The following JCAD variants were observed in gnomAD, a reference collection of about 807,000 sequenced individuals.
JCAD encodes junctional cadherin 5-associated protein.
Under a neutral mutation model 98.0 loss-of-function variants are expected in JCAD, and 40 were observed. The observed-to-expected ratio is 0.41, with a 90% CI of 0.32 to 0.53. The LOEUF is 0.53. Among genes scored for constraint, JCAD ranks in the 20% least tolerant of loss-of-function variants. JCAD has a pLI of 0.31. For synonymous variants in JCAD, 691 were observed against 682.3 expected (o/e 1.01, Z -0.20); for missense variants, 1,705 against 1,738.1 (o/e 0.98, Z 0.34).
chr10:30,037,478 C>A (rs753477076), intron 2 of JCAD, among the ~76,000 whole-genome samples: 1 of 152,162 alleles, frequency 6.6e-6, no homozygotes, highest in African/African-American at 2.4e-5. Flanking sequence ...GTTGCGCTGG[C>A]AGAATGGTAA....
chr10:30,078,825 T>TCAGGA (rs1346051064), intron 1 of JCAD, among the ~76,000 whole-genome samples: 1 of 152,086 alleles, frequency 6.6e-6, no homozygotes. Context: ...CTGGCAACAT[T>TCAGGA]CAGGAGAGAA....
chr10:30,013,231 G>A lies in JCAD; in HGVS notation c.*4652C>T, dbSNP rs1009098179. ...AGGTTGAGGTGGGGATAGTGCTTGA[G>A]CCCAGGAGCTTGAGGCTGCAGTGAG... is the stretch of plus-strand genomic sequence containing the variant. On this transcript the variant is annotated 3_prime_UTR_variant, in exon 4 of 4. Transcript: ENST00000375377. 8 of 152,246 alleles carry A rather than the reference G, an allele frequency of 5.3e-5. No homozygotes were observed. Among genetic ancestry groups the A allele is most frequent in the African/African-American group, 1.9e-4 (8 of 41,414 alleles). 9.4% of individuals were successfully genotyped at this position (152,246 alleles called of 1,614,324 possible).
At chr10:30,046,945 C>A (rs1837348665) in intron 2 of JCAD, among the ~76,000 whole-genome samples, 1 of 152,044 alleles carries the variant, frequency 6.6e-6, no homozygotes, top group Non-Finnish European at 1.5e-5. Flanking sequence ...TAAAAATTAG[C>A]CAGGTGTGGT....
chr10:30,042,335 A>G (rs1589690167), intron 2 of JCAD, among the ~76,000 whole-genome samples: 1 of 151,690 alleles, frequency 6.6e-6, no homozygotes, highest in Non-Finnish European at 1.5e-5. Flanking sequence ...TCCCCATCCA[A>G]CCTACCTCTC....
intron 3 of JCAD, among the ~76,000 whole-genome samples, chr10:30,020,421 T>C (rs1214856773): frequency 6.6e-6 from 1 of 152,020 alleles, no homozygotes; most frequent in Non-Finnish European, 1.5e-5. Flanking sequence ...CCATAGACAT[T>C]CCAATTTTTC....
At chr10:30,103,499 T>C (rs1838505167) in intron 1 of JCAD, among the ~76,000 whole-genome samples, 1 of 152,322 alleles carries the variant, frequency 6.6e-6, no homozygotes, top group East Asian at 1.9e-4. Context: ...TCAAACGTTG[T>C]ATGTCAAATG....
At chr10:30,046,229 G>C (rs765652661) in intron 2 of JCAD, among the ~76,000 whole-genome samples, 28 of 152,104 alleles carry the variant, frequency 1.8e-4, no homozygotes, top group Admixed American at 6.5e-5. Flanking sequence ...GATGACAAAG[G>C]TTTCCTCCAG....
At chr10:30,049,223 ACACAAAAGC>A (rs1217356115) in intron 1 of JCAD, among the ~76,000 whole-genome samples, 5 of 152,192 alleles carry the variant, frequency 3.3e-5, no homozygotes, top group Non-Finnish European at 7.3e-5. Flanking sequence ...GGTGAGAGAC[ACACAAAAGC>A]CACAAAAGCC....
At chr10:30,103,063 C>T (rs1838498420) in intron 1 of JCAD, among the ~76,000 whole-genome samples, 1 of 152,192 alleles carries the variant, frequency 6.6e-6, no homozygotes, top group South Asian at 2.1e-4. Context: ...GGTGGGGACA[C>T]AGCCAAACCA....
intron 1 of JCAD, among the ~76,000 whole-genome samples, chr10:30,091,901 G>A (rs1296630494): frequency 1.4e-5 from 2 of 145,020 alleles, no homozygotes; most frequent in Admixed American, 6.9e-5. Context: ...GGTGGCACGC[G>A]CCTGTAATCC....
intron 1 of JCAD, among the ~76,000 whole-genome samples, chr10:30,095,290 C>G (rs1838351021): frequency 6.6e-6 from 1 of 152,196 alleles, no homozygotes; most frequent in Non-Finnish European, 1.5e-5. Context: ...ACTTCTCTTT[C>G]AGTTTTGTTG....
rs149050312 is a variant in JCAD at position 30,029,842 on chromosome 10, T to C, written c.306A>G (p.Ala102=). The stretch of plus-strand genomic sequence containing the variant: ...TACCAGTCGGGGGATGAGAGGACCA[T>C]GCTGAGGGGGGTTGATTACAAAACC... ...EAGFCNQPPS[A]WSSHPPTGND... Residue 102 remains alanine, a synonymous_variant, in exon 3 of 4, where the codon GCA becomes GCG. Coordinates refer to ENST00000375377, the MANE Select transcript of JCAD (RefSeq NM_020848.4). The C allele has an allele frequency of 1.5e-4, 238 of 1,614,080 alleles. No individual in the cohort carries two copies. The African/African-American group carries it at 2.9e-3, about 19-fold the overall frequency.
intron 2 of JCAD, among the ~76,000 whole-genome samples, chr10:30,033,693 G>A (rs1837049827): frequency 6.6e-6 from 1 of 152,112 alleles, no homozygotes. Flanking sequence ...TCAGCTGGTG[G>A]CACAGCAGAG....
At chr10:30,091,887 G>A (rs1291437682) in intron 1 of JCAD, among the ~76,000 whole-genome samples, 1 of 146,148 alleles carries the variant, frequency 6.8e-6, no homozygotes, top group Non-Finnish European at 1.5e-5. Context: ...AATTAGCTGG[G>A]CCTGGTGGCA....
At chr10:30,053,467 G>A (rs1837508792) in intron 1 of JCAD, among the ~76,000 whole-genome samples, 1 of 151,778 alleles carries the variant, frequency 6.6e-6, no homozygotes, top group South Asian at 2.1e-4. Flanking sequence ...AGGCTGAGGT[G>A]GGAGGATCCT....
At chr10:30,068,182 A>C (rs1455185170) in intron 2 of JCAD, among the ~76,000 whole-genome samples, 1 of 152,100 alleles carries the variant, frequency 6.6e-6, no homozygotes, top group African/African-American at 2.4e-5. Flanking sequence ...TGAGGTCAGG[A>C]GTTCGAGACC....
chr10:30,111,224 A>G (rs1046866766), intron 1 of JCAD, among the ~76,000 whole-genome samples: 4 of 152,148 alleles, frequency 2.6e-5, no homozygotes, highest in Non-Finnish European at 5.9e-5. Context: ...CCTCCTGGCC[A>G]TTTGAGTGCC....
intron 1 of JCAD, among the ~76,000 whole-genome samples, chr10:30,109,057 C>T (rs537279881): frequency 1.1e-4 from 16 of 152,276 alleles, no homozygotes; most frequent in South Asian, 2.1e-4. Flanking sequence ...CTCCGCTGCA[C>T]GCCCTGGCAC....
intron 1 of JCAD, among the ~76,000 whole-genome samples, chr10:30,098,520 CT>C (rs1271972152): frequency 6.6e-6 from 1 of 152,222 alleles, no homozygotes; most frequent in East Asian, 1.9e-4. Flanking sequence ...ATTTATTCAT[CT>C]GTAAACTCCA....
Sources: gnomAD v4.1 joint callset for allele counts (sites outside exome capture counted in the v4.1 genomes callset) on GRCh38, gnomAD v4.1.1 for gene constraint, MANE v1.5 for transcripts, NCBI Gene and HGNC (gene_info 2026-07-23, HGNC 2026-07-21) for gene names.